The following ZNF34 variants were observed in gnomAD, a reference collection of about 807,000 sequenced individuals.
ZNF34 encodes the protein zinc finger protein 34.
A neutral mutation model predicts 14.4 loss-of-function variants in ZNF34; 8 were observed. The ratio of observed to expected loss-of-function variants is 0.55; its 90% CI spans 0.33 to 1.00. ZNF34 has a LOEUF of 1.00. Ranked by LOEUF, ZNF34 falls within the 50% of genes least tolerant of loss-of-function variation. The pLI is 0.03. For missense variants in ZNF34, 538 were observed against 674.2 expected (o/e 0.80, Z 2.24); for synonymous variants, 235 against 247.9 (o/e 0.95, Z 0.49).
In ZNF34 at chr8:144,773,271, T is replaced by A; in HGVS notation, c.1615A>T (p.Met539Leu). The A allele has an allele frequency of 6.2e-7, 1 of 1,603,910 alleles. No individual in the cohort carries two copies. The highest frequency in any genetic ancestry group is 8.5e-7 in the Non-Finnish European group (1 of 1,172,706). ...CCTCGGACACCGCGCCACTGTTACA[T>A]GGAGAAGTCCTCCCGGAGGTGAATC... ...QRIHLREDFS[M>L] is the part of the protein sequence containing the mutation. Residue 539 changes from methionine to leucine, a missense_variant, in exon 6 of 6, where the codon ATG becomes TTG. By Grantham distance (15) the Met-to-Leu change is conservative. Coordinates refer to ENST00000429371, the MANE Select transcript of ZNF34 (RefSeq NM_001286769.2). This position sits in a 1 kb window ranked among gnomAD's most constrained non-coding sequence, Gnocchi z 5.4.
intron 5 of ZNF34, 50 bp from the exon 6 acceptor site, chr8:144,774,655 G>A: frequency 6.5e-7 from 1 of 1,549,686 alleles, no homozygotes; most frequent in Non-Finnish European, 8.7e-7. Context: ...GACTCTGGAA[G>A]GTAGGCATGA....
chr8:144,774,296 C>A lies in ZNF34; in HGVS notation c.590G>T (p.Arg197Met), dbSNP rs1362700235. The A allele has an allele frequency of 6.2e-7, 1 of 1,613,028 alleles. No homozygotes were observed. Among genetic ancestry groups the A allele is most frequent in the Non-Finnish European group, 8.5e-7 (1 of 1,179,448 alleles). Residue 197 changes from arginine (R) to methionine (M), a missense_variant, in exon 6 of 6, where the codon AGG becomes ATG. Transcript: ENST00000429371. ...SYLNNHKRVHRSKKTNTVRNS... is the reference protein window; with the variant it reads ...SYLNNHKRVHMSKKTNTVRNS... ...ACGAACTGTATTTGTTTTTTTTGAC[C>A]TGTGTACACGCTTATGGTTGTTGAG...
intron 1 of ZNF34, among the ~76,000 whole-genome samples, chr8:144,786,833 G>C (rs1359993929): frequency 1.7e-4 from 26 of 151,978 alleles, no homozygotes; most frequent in Admixed American, 1.7e-3. Context: ...AGGCAGGAGG[G>C]GCGGCATTCG....
intron 5 of ZNF34, among the ~76,000 whole-genome samples, chr8:144,775,424 AAG>A (rs1563785724): frequency 6.6e-6 from 1 of 152,242 alleles, no homozygotes; most frequent in East Asian, 1.9e-4. Context: ...AGACATGCAC[AAG>A]AGTGTCCACA....
Position 144,772,283 on chromosome 8 carries a change from T to C in ZNF34, c.*983A>G, listed in dbSNP as rs1004369225. On this transcript the variant is annotated 3_prime_UTR_variant, in exon 6 of 6. Coordinates refer to ENST00000429371, the MANE Select transcript of ZNF34 (RefSeq NM_001286769.2). ...TAGGCAAATTCAAAGAGACAGAAAATAGAATTGAGGTTACCAGCAGTAGGG... is the reference window on the plus strand; with the variant it reads ...TAGGCAAATTCAAAGAGACAGAAAACAGAATTGAGGTTACCAGCAGTAGGG... Among the ~76,000 whole-genome samples, 1 of 151,882 alleles carries C rather than the reference T, an allele frequency of 6.6e-6. No homozygotes were observed. Among genetic ancestry groups the C allele is most frequent in the Non-Finnish European group, 1.5e-5 (1 of 67,976 alleles).
intron 5 of ZNF34, among the ~76,000 whole-genome samples, chr8:144,775,226 T>G (rs1275716898): frequency 2.0e-5 from 3 of 152,052 alleles, no homozygotes; most frequent in Admixed American, 6.5e-5. Context: ...GAACAGGTGC[T>G]GAACACCAAT....
intron 1 of ZNF34, among the ~76,000 whole-genome samples, chr8:144,782,100 G>A (rs1173492892): frequency 6.6e-6 from 1 of 152,068 alleles, no homozygotes; most frequent in Non-Finnish European, 1.5e-5. Flanking sequence ...GAGGCGGGTG[G>A]ATCACGAGGT....
At chr8:144,775,419 T>C (rs1825446734) in intron 5 of ZNF34, among the ~76,000 whole-genome samples, 1 of 152,206 alleles carries the variant, frequency 6.6e-6, no homozygotes, top group Non-Finnish European at 1.5e-5. Flanking sequence ...GAGAGAGACA[T>C]GCACAAGAGT....
At chr8:144,783,754 T>A (rs894457500) in intron 1 of ZNF34, among the ~76,000 whole-genome samples, 1 of 152,206 alleles carries the variant, frequency 6.6e-6, no homozygotes, top group Admixed American at 6.5e-5. Context: ...CATAAAGATA[T>A]CAATTATCCC....
In ZNF34 at chr8:144,774,273, G is replaced by C. The variant is rs149062206; in HGVS notation, c.613C>G (p.Arg205Gly). ...GCACTGAAGATTTCCCCAGAGTTAC[G>C]AACTGTATTTGTTTTTTTTGACCTG... Reference protein sequence around the residue: ...VHRSKKTNTVRNSGEIFSANL... With the variant: ...VHRSKKTNTVGNSGEIFSANL... The change falls in exon 6 of 6, where the codon CGT becomes GGT. Residue 205 changes from arginine to glycine, a missense_variant. By Grantham distance (125) the Arg-to-Gly change is moderately radical (BLOSUM62 -2). Coordinates refer to ENST00000429371, the MANE Select transcript of ZNF34 (RefSeq NM_001286769.2). 2.0e-3 allele frequency: 3,174 copies of C among 1,613,718 alleles called. 6 individuals carry two copies. The highest frequency in any genetic ancestry group is 2.5e-3 in the Non-Finnish European group (2,905 of 1,179,766).
chr8:144,774,305 C>T lies in ZNF34; in HGVS notation c.581G>A (p.Arg194His), dbSNP rs1426443725. ...ATTTGTTTTTTTTGACCTGTGTACACGCTTATGGTTGTTGAGATATGATCT... is the reference window on the plus strand; with the variant it reads ...ATTTGTTTTTTTTGACCTGTGTACATGCTTATGGTTGTTGAGATATGATCT... ...EQRSYLNNHK[R>H]VHRSKKTNTV... Residue 194 changes from arginine (R) to histidine (H), a missense_variant, in exon 6 of 6, where the codon CGT becomes CAT. Physicochemically the swap from Arg to His is conservative, Grantham distance 29. Around this residue, in one of 3 missense-constraint regions of ZNF34, gnomAD observed 431 missense variants for 525.7 expected, o/e 0.82. Transcript: ENST00000429371. 2.0e-5 allele frequency: 32 copies of T among 1,612,622 alleles called. No individual in the cohort carries two copies. The highest frequency in any genetic ancestry group is 9.9e-5 in the South Asian group (9 of 90,954).
rs1825606750 is a variant in ZNF34 at position 144,777,666 on chromosome 8, G to A, written c.161-89C>T. 2.0e-6 allele frequency: 3 copies of A among 1,464,682 alleles called. No individual in the cohort carries two copies. Among genetic ancestry groups the A allele is most frequent in the Non-Finnish European group, 1.8e-6 (2 of 1,089,796 alleles). 90.7% of individuals were successfully genotyped at this position (1,464,682 alleles called of 1,614,324 possible). ...ACCCTGGGGCTGCAGGGTAAGGGAG[G>A]CACAGGCAGAGGGGGTGATGGAAGC... On this transcript the variant is annotated intron_variant, in intron 4 of 5. Coordinates refer to ENST00000429371, the MANE Select transcript of ZNF34 (RefSeq NM_001286769.2). The surrounding 1 kb of genome is among the most constrained non-coding windows in gnomAD (Gnocchi z 4.8).
chr8:144,775,329 C>T (rs1825437872), intron 5 of ZNF34, among the ~76,000 whole-genome samples: 1 of 152,210 alleles, frequency 6.6e-6, no homozygotes, highest in Non-Finnish European at 1.5e-5. Context: ...GCAACCTTAT[C>T]TAAAGCTGAT....
At chr8:144,786,670 GAGAAA>G (rs1826259204) in intron 1 of ZNF34, among the ~76,000 whole-genome samples, 1 of 151,674 alleles carries the variant, frequency 6.6e-6, no homozygotes, top group Admixed American at 6.6e-5. Context: ...AGGAAGAGAA[GAGAAA>G]AGAAAAGAAA....
rs774510958 is a variant in ZNF34 at position 144,774,151 on chromosome 8, A to C, written c.735T>G (p.Leu245=). Residue 245 remains leucine (L), a synonymous_variant, in exon 6 of 6, where the codon CTT becomes CTG. Coordinates refer to ENST00000429371, the MANE Select transcript of ZNF34 (RefSeq NM_001286769.2). ...CAGTGTGAAGCCGCTGATGCTTGAC[A>C]AGGTTGGCACTGTACCTGAATGTTT... ...CGKTFRYSAN[L]VKHQRLHTEE... 15 of 1,613,928 alleles carry C rather than the reference A, an allele frequency of 9.3e-6. No homozygotes were observed. In the East Asian group the frequency reaches 3.1e-4, roughly 34 times the overall value.
intron 1 of ZNF34, among the ~76,000 whole-genome samples, chr8:144,783,751 A>G (rs1438439980): frequency 6.6e-6 from 1 of 152,248 alleles, no homozygotes; most frequent in Non-Finnish European, 1.5e-5. Context: ...TAACATAAAG[A>G]TATCAATTAT....
chr8:144,781,311 CA>C (rs552431191), intron 1 of ZNF34, among the ~76,000 whole-genome samples: 2 of 151,026 alleles, frequency 1.3e-5, no homozygotes, highest in African/African-American at 4.9e-5. Flanking sequence ...CTCTGTCGCC[CA>C]GGCTAGAGTA....
chr8:144,773,358 A>G lies in ZNF34; in HGVS notation c.1528T>C (p.Tyr510His). 2 of 1,614,212 alleles carry G rather than the reference A, an allele frequency of 1.2e-6. No homozygotes were observed. The highest frequency in any genetic ancestry group is 1.7e-6 in the Non-Finnish European group (2 of 1,180,026). The stretch of plus-strand genomic sequence containing the variant: ...GCCTTCCCACACTCGCTGCACTTGT[A>G]GGGCTTCTCCCCGGTGTGGATCCTC... Reference protein sequence around the residue: ...HRRIHTGEKPYKCSECGKAFR... With the variant: ...HRRIHTGEKPHKCSECGKAFR... Residue 510 changes from tyrosine to histidine, a missense_variant, in exon 6 of 6, where the codon TAC (tyrosine) becomes CAC (histidine). By Grantham distance (83) the Tyr-to-His change is moderately conservative. Around this residue, in one of 3 missense-constraint regions of ZNF34, gnomAD observed 101 missense variants for 123.1 expected, o/e 0.82. Transcript: ENST00000429371. The surrounding 1 kb of genome is among the most constrained non-coding windows in gnomAD (Gnocchi z 5.4).
At chr8:144,786,785 A>C (rs1826268065) in intron 1 of ZNF34, among the ~76,000 whole-genome samples, 1 of 152,016 alleles carries the variant, frequency 6.6e-6, no homozygotes, top group South Asian at 2.1e-4. Flanking sequence ...GGGAAGGCAC[A>C]AGCAGAGGGA....
Sources: allele counts gnomAD v4.1 joint callset (sites outside exome capture counted in the v4.1 genomes callset), GRCh38; gene constraint gnomAD v4.1.1; regional missense constraint gnomAD v4.1.1; non-coding constraint Gnocchi (gnomAD v3.1); transcripts MANE v1.5; gene names NCBI Gene and HGNC (gene_info 2026-07-23, HGNC 2026-07-21).